STIM2: variants seen among roughly 807,000 people sequenced by gnomAD.
The protein encoded by STIM2 is stromal interaction molecule 2.
Under a neutral mutation model 85.8 loss-of-function variants are expected in STIM2, and 31 were observed. That is an observed-to-expected ratio of 0.36 (90% CI 0.27 to 0.49). The LOEUF is 0.49. STIM2 is among the 20% of genes least tolerant of loss of function. The pLI is 0.98. For synonymous variants in STIM2, 356 were observed against 331.1 expected, an observed-to-expected ratio of 1.08 and a Z score of -0.82; for missense variants, 841 against 927.6, an observed-to-expected ratio of 0.91 and a Z score of 1.21.
intron 1 of STIM2, among the ~76,000 whole-genome samples, chr4:26,876,025 C>G (rs1722805353): frequency 6.6e-6 from 1 of 151,920 alleles, no homozygotes; most frequent in Non-Finnish European, 1.5e-5. Context: ...CACAAAGGAG[C>G]ATATTAGTGG....
chr4:26,932,198 C>T (rs990736943), intron 2 of STIM2, among the ~76,000 whole-genome samples: 28 of 152,122 alleles, frequency 1.8e-4, no homozygotes, highest in African/African-American at 6.5e-4. Context: ...TGAAGCCAGG[C>T]CAACTCCAGA....
At position 26,928,422 on chromosome 4, in the gene STIM2, C is replaced by G. The variant is rs761560324; in HGVS notation, c.282+8788C>G. Among the ~76,000 whole-genome samples, 3 of 152,258 alleles carry G rather than the reference C, an allele frequency of 2.0e-5. No homozygotes were observed. The East Asian group carries it at 5.8e-4, about 29-fold the overall frequency. On this transcript the variant is annotated intron_variant, in intron 2 of 11. Transcript: ENST00000467087. Reference sequence around the variant, plus strand: ...CATGATATATACACAGAGAAAGTATCAAGGAAGCTTTTGCAGATATTTGAC... The same window carrying G: ...CATGATATATACACAGAGAAAGTATGAAGGAAGCTTTTGCAGATATTTGAC...
intron 1 of STIM2, among the ~76,000 whole-genome samples, chr4:26,867,412 T>C (rs1722448633): frequency 6.6e-6 from 1 of 152,210 alleles, no homozygotes; most frequent in Non-Finnish European, 1.5e-5. Context: ...CAGTTGCAAA[T>C]GTATTTGCCA....
chr4:27,008,192 AAG>A lies in STIM2; in HGVS notation c.1150-232_1150-231del, dbSNP rs3842591. 0.013 allele frequency among the ~76,000 whole-genome samples: 2,012 copies of A among 152,276 alleles called. 135 individuals carry two copies. In the East Asian group the frequency reaches 0.17, roughly 13 times the overall value. On this transcript the variant is annotated intron_variant, in intron 8 of 11. Coordinates refer to ENST00000467087, the MANE Select transcript of STIM2 (RefSeq NM_020860.4). ...TCGGGTCTTCCTGAACCATAGAAAT[AAG>A]AGAAAAATTCTCCAGAATAAAGTTT...
chr4:26,921,819 GC>G (rs1409572939), intron 2 of STIM2, among the ~76,000 whole-genome samples: 1 of 152,074 alleles, frequency 6.6e-6, no homozygotes, highest in Non-Finnish European at 1.5e-5. Flanking sequence ...ATTTCTAATT[GC>G]TTATTAGGTC....
At chr4:26,945,649 G>T (rs971257621) in intron 2 of STIM2, among the ~76,000 whole-genome samples, 6 of 152,100 alleles carry the variant, frequency 3.9e-5, no homozygotes, top group Non-Finnish European at 5.9e-5. Flanking sequence ...ATTCTGACTG[G>T]TGTGCAGTGG....
Position 27,017,890 on chromosome 4 carries a change from C to T in STIM2, c.1669C>T (p.Pro557Ser), listed in dbSNP as rs764914346. The change falls in exon 11 of 12, where the codon CCT becomes TCT. Residue 557 changes from proline to serine, a missense_variant. Coordinates refer to ENST00000467087, the MANE Select transcript of STIM2 (RefSeq NM_020860.4). ...ACACACACCACACTCCTTGCCTTCC[C>T]CTGATCCAGATATCCTCTCAGTGTC... is the stretch of plus-strand genomic sequence containing the variant. The T allele has an allele frequency of 1.3e-5, 21 of 1,614,148 alleles. No individual in the cohort carries two copies. The highest frequency in any genetic ancestry group is 1.7e-5 in the Non-Finnish European group (20 of 1,180,022).
intron 3 of STIM2, among the ~76,000 whole-genome samples, chr4:26,967,415 A>G (rs1726763975): frequency 6.6e-6 from 1 of 152,204 alleles, no homozygotes; most frequent in South Asian, 2.1e-4. Flanking sequence ...AATGGCCATC[A>G]GAGACATGGA....
At chr4:27,002,424 T>C (rs760155527) in intron 6 of STIM2, 30 bp downstream of exon 6, 3 of 1,547,152 alleles carry the variant, frequency 1.9e-6, no homozygotes, top group African/African-American at 1.4e-5. Context: ...AACTCATTTA[T>C]GTAGGCAAAT....
intron 7 of STIM2, 47 bp from the exon 8 acceptor site, chr4:27,007,486 C>A (rs955904335): frequency 3.9e-6 from 5 of 1,283,276 alleles, no homozygotes; most frequent in Non-Finnish European, 4.1e-6. Flanking sequence ...TTTAATCCTT[C>A]CTTCCTCCCT....
At position 26,908,099 on chromosome 4, in the gene STIM2, A is replaced by G. The variant is rs532137171; in HGVS notation, c.152-11405A>G. On this transcript the variant is annotated intron_variant, in intron 1 of 11. Transcript: ENST00000467087. ...ATTGTTCAAAAAAAATCCAGTAAAC[A>G]CATAGCAACACTTACGTCTCAAATG... is the stretch of plus-strand genomic sequence containing the variant. Among the ~76,000 whole-genome samples the G allele has an allele frequency of 2.0e-5, 3 of 152,340 alleles. No homozygotes were observed. In the East Asian group the frequency reaches 5.8e-4, roughly 29 times the overall value.
intron 1 of STIM2, among the ~76,000 whole-genome samples, chr4:26,910,500 G>A (rs915853600): frequency 1.3e-5 from 2 of 151,802 alleles, no homozygotes; most frequent in Admixed American, 6.6e-5. Context: ...CTCCAGCCTG[G>A]GTGATGGAGT....
chr4:26,973,602 G>T (rs917232867), intron 3 of STIM2, among the ~76,000 whole-genome samples: 7 of 152,130 alleles, frequency 4.6e-5, no homozygotes. Flanking sequence ...TGGTCTGAGA[G>T]GCAGTTTTTT....
intron 1 of STIM2, among the ~76,000 whole-genome samples, chr4:26,906,817 A>G (rs1724143719): frequency 6.6e-6 from 1 of 152,112 alleles, no homozygotes. Context: ...ATACAAAAAA[A>G]TTAGATAGGC....
At chr4:26,983,861 A>T (rs992270861) in intron 3 of STIM2, among the ~76,000 whole-genome samples, 1 of 152,196 alleles carries the variant, frequency 6.6e-6, no homozygotes, top group Non-Finnish European at 1.5e-5. Context: ...GCCCAAAGTA[A>T]TTACTGTGCA....
At chr4:26,992,379 G>A (rs1402686762) in intron 3 of STIM2, among the ~76,000 whole-genome samples, 1 of 151,898 alleles carries the variant, frequency 6.6e-6, no homozygotes, top group East Asian at 1.9e-4. Context: ...CAGATAAGTA[G>A]TTATAGTTAT....
At chr4:26,956,357 A>T (rs1012831640) in intron 2 of STIM2, among the ~76,000 whole-genome samples, 13 of 152,032 alleles carry the variant, frequency 8.6e-5, no homozygotes, top group Admixed American at 2.0e-4. Flanking sequence ...CATAAAATGG[A>T]GTTTGCTTTT....
intron 1 of STIM2, among the ~76,000 whole-genome samples, chr4:26,882,785 A>G (rs1474183611): frequency 6.7e-6 from 1 of 149,480 alleles, no homozygotes; most frequent in Non-Finnish European, 1.5e-5. Flanking sequence ...GGCTTCAACT[A>G]CTATATGTAA....
chr4:26,973,129 C>A (rs1004695150), intron 3 of STIM2, among the ~76,000 whole-genome samples: 12 of 152,204 alleles, frequency 7.9e-5, no homozygotes, highest in African/African-American at 2.9e-4. Context: ...ATTCTTCTCT[C>A]TTTTCTTCTT....
Sources: allele counts gnomAD v4.1 joint callset (sites outside exome capture counted in the v4.1 genomes callset), GRCh38; gene constraint gnomAD v4.1.1; transcripts MANE v1.5; gene names NCBI Gene and HGNC (gene_info 2026-07-23, HGNC 2026-07-21).